The following ITSN1 variants were observed in gnomAD, a reference collection of about 807,000 sequenced individuals.
ITSN1 encodes the protein intersectin 1.
ITSN1 carries 58 observed loss-of-function variants against 239.8 expected under a neutral mutation model. The observed-to-expected ratio is 0.24, with a 90% CI of 0.20 to 0.30. The LOEUF (loss-of-function observed/expected upper bound fraction) is 0.30. Among genes scored for constraint, ITSN1 ranks in the 10% least tolerant of loss-of-function variants. The pLI, the probability that ITSN1 is intolerant of heterozygous loss-of-function variation, is 1.00. For synonymous variants in ITSN1, 780 were observed against 770.8 expected (o/e 1.01, Z -0.20); for missense variants, 1,558 against 2,103.3 (o/e 0.74, Z 5.07).
Position 33,859,142 on chromosome 21 carries a change from C to T in ITSN1, c.3890+350C>T, listed in dbSNP as rs557971402. Among the ~76,000 whole-genome samples, 345 of 152,276 alleles carry T rather than the reference C, an allele frequency of 2.3e-3. 1 individual carries two copies. The highest frequency in any genetic ancestry group is 7.8e-3 in the African/African-American group (323 of 41,544). Reference sequence around the variant, plus strand: ...TGCCCCCTCTACGCTTTCCCTCGGACGCGGGATCCCATGGGGGATTATTGG... The same window carrying T: ...TGCCCCCTCTACGCTTTCCCTCGGATGCGGGATCCCATGGGGGATTATTGG... On this transcript the variant is annotated intron_variant, in intron 31 of 39. Transcript: ENST00000381318.
At chr21:33,700,620 C>A (rs1205998378) in intron 1 of ITSN1, among the ~76,000 whole-genome samples, 5 of 152,164 alleles carry the variant, frequency 3.3e-5, no homozygotes, top group Non-Finnish European at 7.4e-5. Context: ...ACAGTAGGTT[C>A]TTAATTACTG....
intron 27 of ITSN1, among the ~76,000 whole-genome samples, chr21:33,830,076 T>C (rs761889961): frequency 3.9e-5 from 6 of 152,208 alleles, no homozygotes; most frequent in Non-Finnish European, 7.3e-5. Flanking sequence ...TTTTCATCAG[T>C]GGTATTAGAA....
At chr21:33,717,863 G>C (rs751779409) in intron 1 of ITSN1, among the ~76,000 whole-genome samples, 11 of 152,124 alleles carry the variant, frequency 7.2e-5, no homozygotes, top group Admixed American at 6.5e-4. Context: ...CACTGCGCCC[G>C]GCCCTAAATC....
chr21:33,651,053 C>G (rs1035542152), intron 1 of ITSN1, among the ~76,000 whole-genome samples: 1 of 152,268 alleles, frequency 6.6e-6, no homozygotes, highest in African/African-American at 2.4e-5. Context: ...GGGCTAGCCC[C>G]AGGCCCTAGA....
chr21:33,883,734 G>A, intron 36 of ITSN1, 63 bp downstream of exon 36: 2 of 1,575,430 alleles, frequency 1.3e-6, no homozygotes, highest in Admixed American at 3.5e-5. Flanking sequence ...CACACAAGGG[G>A]CGGGTGATTA....
chr21:33,665,328 T>C (rs577480293), intron 1 of ITSN1, among the ~76,000 whole-genome samples: 2 of 152,072 alleles, frequency 1.3e-5, no homozygotes, highest in African/African-American at 4.8e-5. Flanking sequence ...AAGACCTGAG[T>C]AGGCATTTTT....
At chr21:33,726,570 C>G (rs2065845399) in intron 4 of ITSN1, among the ~76,000 whole-genome samples, 1 of 152,146 alleles carries the variant, frequency 6.6e-6, no homozygotes, top group Non-Finnish European at 1.5e-5. Flanking sequence ...GTGGCATGAT[C>G]ATAGCTCACT....
Position 33,829,752 on chromosome 21 carries a change from G to T in ITSN1, c.3351+7G>T, listed in dbSNP as rs1329769768. ...GTGGGAAGGAGAGCTGCAAGTCAGTGTCTTTTTTGTTTATTTACAATTCTC... is the reference window on the plus strand; with the variant it reads ...GTGGGAAGGAGAGCTGCAAGTCAGTTTCTTTTTTGTTTATTTACAATTCTC... On this transcript the variant is annotated splice_region_variant and intron_variant, in intron 27 of 39. Coordinates refer to ENST00000381318, the MANE Select transcript of ITSN1 (RefSeq NM_003024.3). 3 of 1,613,058 alleles carry T rather than the reference G, an allele frequency of 1.9e-6. No individual in the cohort carries two copies. Among genetic ancestry groups the T allele is most frequent in the South Asian group, 1.1e-5 (1 of 90,910 alleles).
chr21:33,837,653 A>C, intron 29 of ITSN1: 1 of 985,902 alleles, frequency 1.0e-6, no homozygotes, highest in African/African-American at 1.7e-5. Context: ...TGAGCATGTA[A>C]TACATCCTGT....
intron 29 of ITSN1, among the ~76,000 whole-genome samples, chr21:33,843,812 C>A (rs753430302): frequency 1.3e-5 from 2 of 152,156 alleles, no homozygotes; most frequent in Non-Finnish European, 2.9e-5. Context: ...AGTTATGTAA[C>A]CTCTTTGTGC....
At chr21:33,791,853 G>A (rs1288420322) in intron 16 of ITSN1, among the ~76,000 whole-genome samples, 1 of 152,040 alleles carries the variant, frequency 6.6e-6, no homozygotes, top group African/African-American at 2.4e-5. Flanking sequence ...GATGAAATAA[G>A]GACTTTTCTT....
intron 29 of ITSN1, among the ~76,000 whole-genome samples, chr21:33,843,479 C>T (rs1037796995): frequency 2.4e-4 from 36 of 152,228 alleles, no homozygotes; most frequent in African/African-American, 8.7e-4. Context: ...TTAAGACACC[C>T]TCAGTCTGAG....
chr21:33,781,360 G>A, intron 14 of ITSN1, 101 bp from the exon 15 acceptor site: 1 of 685,602 alleles, frequency 1.5e-6, no homozygotes, highest in South Asian at 1.8e-5. Context: ...TGCAGGATTT[G>A]GGAAGAGTCT....
At chr21:33,822,955 A>G (rs1230400558) in intron 24 of ITSN1, among the ~76,000 whole-genome samples, 3 of 152,236 alleles carry the variant, frequency 2.0e-5, no homozygotes, top group African/African-American at 7.2e-5. Flanking sequence ...AGGCACTTCA[A>G]TAAGGAAAAG....
intron 5 of ITSN1, among the ~76,000 whole-genome samples, chr21:33,745,186 C>G (rs1601962963): frequency 6.6e-6 from 1 of 152,308 alleles, no homozygotes; most frequent in Non-Finnish European, 1.5e-5. Context: ...CAGCTTGATC[C>G]ATTCTTTGGA....
At chr21:33,766,833 A>G (rs2147722655) in intron 10 of ITSN1, among the ~76,000 whole-genome samples, 1 of 152,338 alleles carries the variant, frequency 6.6e-6, no homozygotes. Context: ...TGAATGCGTA[A>G]AAAGGATTGG....
chr21:33,771,983 T>C, intron 11 of ITSN1, 78 bp from the exon 12 acceptor site: 1 of 1,513,702 alleles, frequency 6.6e-7, no homozygotes, highest in African/African-American at 1.4e-5. Flanking sequence ...AAATTTCAAA[T>C]ACATTGGTGA....
intron 1 of ITSN1, among the ~76,000 whole-genome samples, chr21:33,702,010 A>G (rs59432892): frequency 1 from 152,110 of 152,110 alleles, 76,055 homozygotes; most frequent in Non-Finnish European, 1. Flanking sequence ...GGATGTTGCA[A>G]TGAGCCAAGA....
chr21:33,819,845 G>A (rs9976563), intron 24 of ITSN1, among the ~76,000 whole-genome samples: 15,722 of 151,744 alleles, frequency 0.1, 1,109 homozygotes, highest in East Asian at 0.29. Flanking sequence ...AGCCGGGCGC[G>A]GTGGCGGGCG....
Sources: allele counts gnomAD v4.1 joint callset (sites outside exome capture counted in the v4.1 genomes callset), GRCh38; gene constraint gnomAD v4.1.1; transcripts MANE v1.5; gene names NCBI Gene and HGNC (gene_info 2026-07-23, HGNC 2026-07-21).